The following RBM6 variants were observed in gnomAD, a reference collection of about 807,000 sequenced individuals.
RBM6 encodes the protein RNA binding motif protein 6.
Under a neutral mutation model 140.4 loss-of-function variants are expected in RBM6, and 23 were observed. That is an observed-to-expected ratio of 0.16 (90% CI 0.12 to 0.23). The LOEUF (loss-of-function observed/expected upper bound fraction) is 0.23, where lower values mean the gene tolerates loss of function less well. RBM6 is among the 10% of genes least tolerant of loss of function. The pLI, the probability that RBM6 is intolerant of heterozygous loss-of-function variation, is 1.00. For synonymous variants in RBM6, 439 were observed against 475.6 expected (o/e 0.92, Z 1.00); for missense variants, 1,139 against 1,386.7 (o/e 0.82, Z 2.84).
At chr3:50,059,785 C>T (rs757373219) in intron 11 of RBM6, 39 bp downstream of exon 11, 2 of 1,532,638 alleles carry the variant, frequency 1.3e-6, no homozygotes, top group East Asian at 4.5e-5. Flanking sequence ...GCTGCCCCCA[C>T]TTGTGTTTTT....
At chr3:49,951,142 G>C (rs1026532418) in intron 1 of RBM6, among the ~76,000 whole-genome samples, 1 of 152,204 alleles carries the variant, frequency 6.6e-6, no homozygotes, top group East Asian at 1.9e-4. Context: ...ACTTTGAGTA[G>C]TGAAAATCAT....
intron 1 of RBM6, 87 bp from the exon 2 acceptor site, chr3:49,962,489 G>T: frequency 1.5e-6 from 1 of 647,388 alleles, no homozygotes; most frequent in South Asian, 2.0e-5. Flanking sequence ...CTGCTGATGT[G>T]GTCCCTCATA....
At chr3:50,032,206 G>A (rs1195086163) in intron 6 of RBM6, among the ~76,000 whole-genome samples, 2 of 152,036 alleles carry the variant, frequency 1.3e-5, no homozygotes, top group Non-Finnish European at 2.9e-5. Context: ...TTCCAGGCCG[G>A]GCACGGTGGC....
intron 1 of RBM6, among the ~76,000 whole-genome samples, chr3:49,942,665 G>A (rs1168563918): frequency 1.3e-5 from 2 of 152,058 alleles, no homozygotes; most frequent in Non-Finnish European, 2.9e-5. Flanking sequence ...GGTCAACGTG[G>A]GCAGATCACT....
intron 15 of RBM6, among the ~76,000 whole-genome samples, chr3:50,063,034 C>T (rs6793856): frequency 0.013 from 1,984 of 151,918 alleles, 45 homozygotes; most frequent in African/African-American, 0.046. Flanking sequence ...GCGGGGACTA[C>T]AGGCATGAGC....
At chr3:50,035,127 C>T (rs1164192389) in intron 6 of RBM6, among the ~76,000 whole-genome samples, 3 of 150,718 alleles carry the variant, frequency 2.0e-5, no homozygotes, top group South Asian at 2.1e-4. Flanking sequence ...TACAGGTCTG[C>T]AGCAACTTCA....
At chr3:50,033,410 A>T (rs138014720) in intron 6 of RBM6, among the ~76,000 whole-genome samples, 6,823 of 152,216 alleles carry the variant, frequency 0.045, 222 homozygotes, top group Non-Finnish European at 0.062. Context: ...AAACAGTACA[A>T]AACTACTAAA....
At chr3:50,043,564 G>A (rs931784948) in intron 6 of RBM6, among the ~76,000 whole-genome samples, 3 of 150,188 alleles carry the variant, frequency 2.0e-5, no homozygotes, top group Non-Finnish European at 4.4e-5. Context: ...ATATATGTAT[G>A]TACACACATA....
Position 49,972,100 on chromosome 3 carries a change from C to T in RBM6, c.1365C>T (p.Ser455=). The change falls in exon 4 of 21, where the codon AGC becomes AGT. Residue 455 remains serine, a synonymous_variant. Coordinates refer to ENST00000266022, the MANE Select transcript of RBM6 (RefSeq NM_005777.3). ...CCGGCCCAAGTGAGGAGAAACCCAG[C>T]AGGCTTATTCGATTAAGTGGGGTAC... ...YRTGPSEEKP[S]RLIRLSGVPE... is the part of the protein sequence containing the mutation. 6.2e-7 allele frequency: 1 copy of T among 1,613,384 alleles called. No individual in the cohort carries two copies. Among genetic ancestry groups the T allele is most frequent in the Non-Finnish European group, 8.5e-7 (1 of 1,179,490 alleles).
intron 1 of RBM6, among the ~76,000 whole-genome samples, chr3:49,946,245 CTT>C (rs113679247): frequency 1.4e-5 from 2 of 146,092 alleles, no homozygotes; most frequent in Non-Finnish European, 1.5e-5. Context: ...TATTTTCTTT[CTT>C]TTTTTTTTTT....
intron 5 of RBM6, among the ~76,000 whole-genome samples, chr3:49,991,321 T>C (rs1356401330): frequency 6.6e-6 from 1 of 152,150 alleles, no homozygotes; most frequent in Admixed American, 6.5e-5. Flanking sequence ...GTAGTTGTTT[T>C]TATGGAGGTC....
rs751604271 is a variant in RBM6, at chr3:49,982,262, CTTTTTTTT to C, written c.1483+6891_1483+6898del. ...GTACCTTCTGCATTTCTTTTCTTTT[CTTTTTTTT>C]TTTTTTTTTTTTTTTTTTTTGGTAG... is the stretch of plus-strand genomic sequence containing the variant. On this transcript the variant is annotated intron_variant, in intron 5 of 20. Transcript: ENST00000266022. Among the ~76,000 whole-genome samples the C allele has an allele frequency of 5.3e-3, 365 of 68,414 alleles. 4 individuals are homozygous for C. The highest frequency in any genetic ancestry group is 0.018 in the African/African-American group (309 of 16,782). 44.9% of individuals were successfully genotyped at this position (68,414 alleles called of 152,430 possible).
intron 5 of RBM6, among the ~76,000 whole-genome samples, chr3:49,985,751 C>T (rs557745174): frequency 1.3e-5 from 2 of 151,934 alleles, no homozygotes; most frequent in East Asian, 2.0e-4. Context: ...GGACTACAGG[C>T]GCCTGCCACC....
intron 7 of RBM6, chr3:50,054,103 TG>T (rs2089602157): frequency 4.3e-6 from 2 of 466,210 alleles, no homozygotes; most frequent in Admixed American, 7.3e-5. Context: ...CAAAGGCATT[TG>T]GGCTGCACCA....
intron 11 of RBM6, among the ~76,000 whole-genome samples, chr3:50,060,391 A>T (rs984993755): frequency 2.6e-5 from 4 of 152,072 alleles, no homozygotes; most frequent in Admixed American, 2.6e-4. Context: ...TATGGGGCAT[A>T]TCTTGCTCTA....
intron 6 of RBM6, among the ~76,000 whole-genome samples, chr3:50,040,487 T>TAC (rs1277704824): frequency 2.0e-5 from 2 of 102,538 alleles, no homozygotes; most frequent in African/African-American, 7.3e-5. Flanking sequence ...TATATATATA[T>TAC]ATATATACAC....
chr3:50,059,582 G>A (rs770807348), intron 10 of RBM6, 67 bp from the exon 11 acceptor site: 1 of 1,300,506 alleles, frequency 7.7e-7, no homozygotes, highest in African/African-American at 1.5e-5. Flanking sequence ...TCTTTCAAAG[G>A]AGAATTTTTC....
At chr3:50,025,136 A>G (rs1446337791) in intron 6 of RBM6, among the ~76,000 whole-genome samples, 2 of 149,676 alleles carry the variant, frequency 1.3e-5, no homozygotes, top group Admixed American at 1.3e-4. Flanking sequence ...CAAAGTTGTT[A>G]TTTCTCAGCC....
At position 49,967,819 on chromosome 3, in the gene RBM6, C is replaced by T; in HGVS notation, c.394C>T (p.Pro132Ser). 5 of 1,614,014 alleles carry T rather than the reference C, an allele frequency of 3.1e-6. No individual in the cohort carries two copies. The highest frequency in any genetic ancestry group is 1.1e-5 in the South Asian group (1 of 91,070). ...GGATTTTCGGGATAGAGAAGGACCA[C>T]CTATGGACTATAGGGGTGGAGATGG... ...SGDFRDREGP[P>S]MDYRGGDGTS... is the part of the protein sequence containing the mutation. The change falls in exon 3 of 21, where the codon CCT becomes TCT. Residue 132 changes from proline (P) to serine (S), a missense_variant. Physicochemically the swap from Pro to Ser is moderately conservative, Grantham distance 74 (BLOSUM62 -1). This residue lies in a region of RBM6 where 566 missense variants were observed against 612.7 expected (regional missense o/e 0.92). Transcript: ENST00000266022. The surrounding 1 kb of genome is among the most constrained non-coding windows in gnomAD (Gnocchi z 4.0).
Sources: allele counts gnomAD v4.1 joint callset (sites outside exome capture counted in the v4.1 genomes callset), GRCh38; gene constraint gnomAD v4.1.1; regional missense constraint gnomAD v4.1.1; non-coding constraint Gnocchi (gnomAD v3.1); transcripts MANE v1.5; gene names NCBI Gene and HGNC (gene_info 2026-07-23, HGNC 2026-07-21).